C8orf34: variants seen among roughly 807,000 people sequenced by gnomAD.
C8orf34 encodes the protein chromosome 8 open reading frame 34, also known as uncharacterized protein C8orf34.
Under a neutral mutation model 68.3 loss-of-function variants are expected in C8orf34, and 65 were observed. The ratio of observed to expected loss-of-function variants is 0.95; its 90% confidence interval spans 0.78 to 1.17. The LOEUF (loss-of-function observed/expected upper bound fraction) is 1.17. Among genes scored for constraint, C8orf34 ranks in the 50% most tolerant of loss-of-function variants. The pLI, the probability that C8orf34 is intolerant of heterozygous loss-of-function variation, is 0.00. For missense variants in C8orf34, 664 were observed against 655.4 expected, an observed-to-expected ratio of 1.01 and a Z score of -0.14; for synonymous variants, 244 against 241.2, an observed-to-expected ratio of 1.01 and a Z score of -0.11.
intron 3 of C8orf34, among the ~76,000 whole-genome samples, chr8:68,466,810 C>G (rs1484226546): frequency 6.9e-6 from 1 of 145,162 alleles, no homozygotes. Context: ...CATAAGATTG[C>G]TAGGTCACAG....
In C8orf34 at chr8:68,569,991, C is replaced by G. The variant is rs139907632; in HGVS notation, c.1105+36842C>G. ...TCTTCAGGCTGCTCTTTGATTTCAG[C>G]CTTCCCCAGACTGAGTCTCTTCTCA... On this transcript the variant is annotated intron_variant, in intron 7 of 13. Transcript: ENST00000518698. 1.3e-5 allele frequency among the ~76,000 whole-genome samples: 2 copies of G among 152,276 alleles called. 1 individual carries two copies. Among genetic ancestry groups the G allele is most frequent in the Non-Finnish European group, 2.9e-5 (2 of 68,012 alleles).
chr8:68,333,780 G>A (rs1352896212), intron 1 of C8orf34, among the ~76,000 whole-genome samples: 3 of 152,154 alleles, frequency 2.0e-5, no homozygotes, highest in African/African-American at 4.8e-5. Flanking sequence ...TTGAGAAACT[G>A]AGCTAAAATC....
chr8:68,636,571 C>T (rs1374917317), intron 7 of C8orf34, among the ~76,000 whole-genome samples: 6 of 151,912 alleles, frequency 3.9e-5, no homozygotes, highest in East Asian at 3.9e-4. Context: ...GGTGACAGAG[C>T]GAGACTCTGT....
chr8:68,758,359 A>G (rs1453976365), intron 10 of C8orf34, among the ~76,000 whole-genome samples: 1 of 152,206 alleles, frequency 6.6e-6, no homozygotes, highest in African/African-American at 2.4e-5. Context: ...TCCACCCCAT[A>G]GTAGTATAAC....
At position 68,382,915 on chromosome 8, in the gene C8orf34, C is replaced by A. The variant is rs80147749; in HGVS notation, c.327+51576C>A. Among the ~76,000 whole-genome samples, 985 of 152,276 alleles carry A rather than the reference C, an allele frequency of 6.5e-3. 35 individuals are homozygous for A. The East Asian group carries it at 0.096, about 15-fold the overall frequency. ...GGTCTACTTTGCATCCGTGCACTGG[C>A]ATCCATGCCAGTTTCATCCTCCTGG... On this transcript the variant is annotated intron_variant, in intron 1 of 13. Coordinates refer to ENST00000518698, the MANE Select transcript of C8orf34 (RefSeq NM_052958.4).
Position 68,816,032 on chromosome 8 carries a change from G to T in C8orf34, c.1609+87G>T, listed in dbSNP as rs572565758. On this transcript the variant is annotated intron_variant, in intron 13 of 13. Coordinates refer to ENST00000518698, the MANE Select transcript of C8orf34 (RefSeq NM_052958.4). ...CTCAGGATTTGTATTAAAAAAGTACGTAGTCCTCATGACCTCTAATGAGAA... is the reference window on the plus strand; with the variant it reads ...CTCAGGATTTGTATTAAAAAAGTACTTAGTCCTCATGACCTCTAATGAGAA... The T allele has an allele frequency of 1.2e-5, 20 of 1,602,036 alleles. No individual in the cohort carries two copies. The South Asian group carries it at 2.2e-4, about 18-fold the overall frequency.
rs562862208 is a variant in C8orf34 at position 68,801,558 on chromosome 8, G to C, written c.1549+14022G>C. 7.7e-4 allele frequency among the ~76,000 whole-genome samples: 117 copies of C among 152,172 alleles called. 1 individual carries two copies. The highest frequency in any genetic ancestry group is 2.7e-3 in the African/African-American group (112 of 41,530). Reference sequence around the variant, plus strand: ...AATTGTTTCCCTCTAGCTGCCCAAGGGTTTTCAATTCATACTGTCATACTG... The same window carrying C: ...AATTGTTTCCCTCTAGCTGCCCAAGCGTTTTCAATTCATACTGTCATACTG... On this transcript the variant is annotated intron_variant, in intron 12 of 13. Coordinates refer to ENST00000518698, the MANE Select transcript of C8orf34 (RefSeq NM_052958.4).
chr8:68,497,556 G>C (rs4596639), intron 5 of C8orf34, among the ~76,000 whole-genome samples: 58,525 of 151,948 alleles, frequency 0.39, 11,592 homozygotes, highest in African/African-American at 0.44. Context: ...AGACCTATAT[G>C]TGTGGCTGTA....
intron 5 of C8orf34, among the ~76,000 whole-genome samples, chr8:68,495,274 AATAT>A (rs142794937): frequency 6.7e-6 from 1 of 148,830 alleles, no homozygotes; most frequent in African/African-American, 2.5e-5. Context: ...ATGTAACAAT[AATAT>A]ATATATATAT....
At chr8:68,784,820 G>GTGTGTGTT (rs1563668212) in intron 11 of C8orf34, among the ~76,000 whole-genome samples, 6 of 152,060 alleles carry the variant, frequency 3.9e-5, no homozygotes, top group Non-Finnish European at 8.8e-5. Flanking sequence ...GTGTGTGTGT[G>GTGTGTGTT]TGTGTGTTTT....
chr8:68,707,639 G>A (rs1425053903), intron 8 of C8orf34, among the ~76,000 whole-genome samples: 1 of 151,972 alleles, frequency 6.6e-6, no homozygotes, highest in Non-Finnish European at 1.5e-5. Flanking sequence ...GCAGTGGCGT[G>A]ATCATGGCTC....
intron 5 of C8orf34, among the ~76,000 whole-genome samples, chr8:68,509,457 C>A (rs1814166619): frequency 6.6e-6 from 1 of 152,198 alleles, no homozygotes; most frequent in African/African-American, 2.4e-5. Flanking sequence ...TGTTGGGCTT[C>A]TGGGTTCCCT....
intron 7 of C8orf34, among the ~76,000 whole-genome samples, chr8:68,575,796 T>C (rs1816883829): frequency 6.6e-6 from 1 of 151,952 alleles, no homozygotes; most frequent in African/African-American, 2.4e-5. Flanking sequence ...TAGCATATCA[T>C]TTTTGTTGAG....
At chr8:68,557,695 G>C (rs1279425986) in intron 7 of C8orf34, among the ~76,000 whole-genome samples, 1 of 152,070 alleles carries the variant, frequency 6.6e-6, no homozygotes, top group Non-Finnish European at 1.5e-5. Context: ...TACACCAATG[G>C]GGAATAAACA....
intron 8 of C8orf34, among the ~76,000 whole-genome samples, chr8:68,690,369 T>C (rs1388711059): frequency 2.6e-5 from 4 of 152,056 alleles, no homozygotes; most frequent in Non-Finnish European, 4.4e-5. Context: ...ATTTATTTAA[T>C]ATAAGTTTGA....
At chr8:68,525,891 C>T (rs558558040) in intron 6 of C8orf34, 2 of 273,910 alleles carry the variant, frequency 7.3e-6, no homozygotes, top group South Asian at 7.0e-5. Flanking sequence ...TCAACCAAGA[C>T]ATTCATGTGC....
At chr8:68,335,289 G>A (rs1805803525) in intron 1 of C8orf34, among the ~76,000 whole-genome samples, 1 of 152,112 alleles carries the variant, frequency 6.6e-6, no homozygotes, top group East Asian at 1.9e-4. Flanking sequence ...AAAGGTAAAA[G>A]TGTCATTTTA....
chr8:68,476,897 ATGTT>A (rs995425696), intron 4 of C8orf34, among the ~76,000 whole-genome samples: 4 of 152,208 alleles, frequency 2.6e-5, no homozygotes, highest in African/African-American at 9.7e-5. Context: ...TCACAAAAGA[ATGTT>A]TGTAAGGCTG....
At chr8:68,486,155 C>T (rs955542883) in intron 4 of C8orf34, among the ~76,000 whole-genome samples, 1 of 152,012 alleles carries the variant, frequency 6.6e-6, no homozygotes, top group Non-Finnish European at 1.5e-5. Flanking sequence ...ATTTTTTAAG[C>T]CCAAAAATTC....
Sources: gnomAD v4.1 joint callset for allele counts (sites outside exome capture counted in the v4.1 genomes callset) on GRCh38, gnomAD v4.1.1 for gene constraint, MANE v1.5 for transcripts, NCBI Gene and HGNC (gene_info 2026-07-23, HGNC 2026-07-21) for gene names.